The following SORBS2 variants were observed in gnomAD, a reference collection of about 807,000 sequenced individuals.
SORBS2 encodes the protein sorbin and SH3 domain-containing protein 2.
A neutral mutation model predicts 97.7 loss-of-function variants in SORBS2; 46 were observed. The observed-to-expected ratio is 0.47, with a 90% confidence interval of 0.37 to 0.60. SORBS2 has a LOEUF of 0.60. Among genes scored for constraint, SORBS2 ranks in the 20% least tolerant of loss-of-function variants. The pLI, the probability that SORBS2 is intolerant of heterozygous loss-of-function variation, is 0.00. For synonymous variants in SORBS2, 476 were observed against 473.4 expected, an observed-to-expected ratio of 1.01 and a Z score of -0.07; for missense variants, 1,316 against 1,282.3, an observed-to-expected ratio of 1.03 and a Z score of -0.40.
chr4:185,930,391 T>A (rs2149962538), intron 1 of SORBS2, among the ~76,000 whole-genome samples: 1 of 152,158 alleles, frequency 6.6e-6, no homozygotes, highest in Non-Finnish European at 1.5e-5. Context: ...ACCACCCGGG[T>A]TCACGCTATT....
chr4:185,754,121 A>T (rs1013414256), intron 2 of SORBS2, among the ~76,000 whole-genome samples: 5 of 150,148 alleles, frequency 3.3e-5, no homozygotes, highest in Non-Finnish European at 7.5e-5. Flanking sequence ...TGCAGCCATA[A>T]AAAAGGACAA....
Position 185,772,745 on chromosome 4 carries a change from C to T in SORBS2, c.-198+2482G>A, listed in dbSNP as rs1203185315. 2.6e-5 allele frequency: 4 copies of T among 152,150 alleles called. No individual in the cohort carries two copies. In the East Asian group the frequency reaches 7.7e-4, roughly 29 times the overall value. The allele number at this position is 152,150 out of a possible 1,614,324, so 9.4% of individuals were successfully genotyped here. ...GGAGTTTACTGGGGGAAAACGTGTG[C>T]CCTCATGAAACTATAGTAGAAGATG... On this transcript the variant is annotated intron_variant, in intron 2 of 20. Transcript: ENST00000284776.
At chr4:185,904,038 T>C (rs1343567877) in intron 1 of SORBS2, among the ~76,000 whole-genome samples, 1 of 152,230 alleles carries the variant, frequency 6.6e-6, no homozygotes, top group Non-Finnish European at 1.5e-5. Context: ...ATTATTATTA[T>C]TTTTTAATCT....
At chr4:185,746,144 G>C (rs774311471) in intron 2 of SORBS2, among the ~76,000 whole-genome samples, 12 of 152,276 alleles carry the variant, frequency 7.9e-5, no homozygotes, top group Middle Eastern at 3.4e-3. Flanking sequence ...TCTGGGACTT[G>C]AAAGGTCATG....
At chr4:185,758,539 C>G (rs946869738) in intron 2 of SORBS2, among the ~76,000 whole-genome samples, 2 of 152,188 alleles carry the variant, frequency 1.3e-5, no homozygotes, top group African/African-American at 4.8e-5. Context: ...AGTCTCAAGG[C>G]TTTAAACACC....
At chr4:185,629,874 A>AT (rs1396009707) in intron 5 of SORBS2, among the ~76,000 whole-genome samples, 2 of 152,010 alleles carry the variant, frequency 1.3e-5, no homozygotes, top group Non-Finnish European at 2.9e-5. Context: ...ATTTTGTAAT[A>AT]TTTTTTAAAA....
chr4:185,923,573 G>A (rs1366976334), intron 1 of SORBS2, among the ~76,000 whole-genome samples: 1 of 147,700 alleles, frequency 6.8e-6, no homozygotes, highest in Non-Finnish European at 1.5e-5. Context: ...CAAAGCTCTG[G>A]GATTTGTGAA....
chr4:185,706,412 G>A (rs1223433704), intron 2 of SORBS2, among the ~76,000 whole-genome samples: 1 of 152,166 alleles, frequency 6.6e-6, no homozygotes, highest in African/African-American at 2.4e-5. Context: ...TAACATAAGT[G>A]ATATTGATTG....
rs528636098 is a variant in SORBS2 at position 185,686,380 on chromosome 4, A to G, written c.-197-7558T>C. Among the ~76,000 whole-genome samples, 15 of 152,304 alleles carry G rather than the reference A, an allele frequency of 9.8e-5. No individual in the cohort carries two copies. The South Asian group carries it at 3.1e-3, about 32-fold the overall frequency. On this transcript the variant is annotated intron_variant, in intron 2 of 20. Transcript: ENST00000284776. Reference sequence around the variant, plus strand: ...TTTTTTAAAGTATATGTTTAAAGTAACAATTTCTTAATGTAGAAAATCATT... The same window carrying G: ...TTTTTTAAAGTATATGTTTAAAGTAGCAATTTCTTAATGTAGAAAATCATT...
At chr4:185,868,147 C>CTTTCTTT (rs1288748201) in intron 1 of SORBS2, among the ~76,000 whole-genome samples, 11 of 89,806 alleles carry the variant, frequency 1.2e-4, no homozygotes, top group East Asian at 6.4e-4. Context: ...CTTTTCTTTT[C>CTTTCTTT]TTTTTTTCTT....
At chr4:185,815,966 G>T (rs1226102693) in intron 1 of SORBS2, among the ~76,000 whole-genome samples, 1 of 152,216 alleles carries the variant, frequency 6.6e-6, no homozygotes, top group Non-Finnish European at 1.5e-5. Context: ...AAGATTAGTT[G>T]ATGAAGACAT....
intron 2 of SORBS2, among the ~76,000 whole-genome samples, chr4:185,731,682 G>C (rs1326970116): frequency 4.9e-3 from 96 of 19,792 alleles, no homozygotes; most frequent in Non-Finnish European, 6.1e-3. Flanking sequence ...CTCCCTCCCT[G>C]CCTCTCTCCC....
intron 1 of SORBS2, among the ~76,000 whole-genome samples, chr4:185,937,741 A>G (rs1403746848): frequency 6.6e-6 from 1 of 152,204 alleles, no homozygotes; most frequent in Non-Finnish European, 1.5e-5. Context: ...TGAGGAAGCA[A>G]TGAACACAGA....
At chr4:185,947,286 A>G (rs1447372496) in intron 1 of SORBS2, among the ~76,000 whole-genome samples, 2 of 152,182 alleles carry the variant, frequency 1.3e-5, no homozygotes, top group Non-Finnish European at 2.9e-5. Context: ...ACAATCCTCA[A>G]TGAGTTTAGC....
chr4:185,693,141 A>G (rs2153521242), intron 2 of SORBS2, among the ~76,000 whole-genome samples: 1 of 152,308 alleles, frequency 6.6e-6, no homozygotes, highest in South Asian at 2.1e-4. Flanking sequence ...GGCATTTCAT[A>G]GGCCAACAGA....
intron 2 of SORBS2, among the ~76,000 whole-genome samples, chr4:185,696,766 G>A (rs1458047607): frequency 6.6e-6 from 1 of 152,134 alleles, no homozygotes; most frequent in African/African-American, 2.4e-5. Flanking sequence ...GAGTTCCTTA[G>A]TTTTATATTG....
chr4:185,758,873 A>T (rs532225236), intron 2 of SORBS2, among the ~76,000 whole-genome samples: 1 of 152,182 alleles, frequency 6.6e-6, no homozygotes, highest in Non-Finnish European at 1.5e-5. Flanking sequence ...TCAACATTTG[A>T]AACTCCAAGC....
chr4:185,772,231 AC>A (rs1313045210), intron 2 of SORBS2: 1 of 152,082 alleles, frequency 6.6e-6, no homozygotes, highest in Non-Finnish European at 1.5e-5. Flanking sequence ...GACCGTTCAC[AC>A]CCACATCAAC....
At chr4:185,784,833 T>C (rs78339877) in intron 1 of SORBS2, among the ~76,000 whole-genome samples, 424 of 152,320 alleles carry the variant, frequency 2.8e-3, no homozygotes, top group African/African-American at 9.4e-3. Context: ...CTCCGGCCCA[T>C]TATCATTTCC....
Sources: allele counts gnomAD v4.1 joint callset (sites outside exome capture counted in the v4.1 genomes callset), GRCh38; gene constraint gnomAD v4.1.1; transcripts MANE v1.5; gene names NCBI Gene and HGNC (gene_info 2026-07-23, HGNC 2026-07-21).